Variants in ESYT3 observed in about 807,000 individuals in gnomAD.
ESYT3 encodes the protein extended synaptotagmin 3.
In ESYT3, 101 loss-of-function variants were observed where a neutral mutation model predicts 111.5. The ratio of observed to expected loss-of-function variants is 0.91; its 90% confidence interval spans 0.77 to 1.07. The LOEUF is 1.07. Ranked by LOEUF, ESYT3 falls within the 50% of genes least tolerant of loss-of-function variation. ESYT3 has a pLI of 0.00. For synonymous variants in ESYT3, 416 were observed against 446.8 expected, an observed-to-expected ratio of 0.93 and a Z score of 0.87; for missense variants, 1,097 against 1,109.4, an observed-to-expected ratio of 0.99 and a Z score of 0.16.
At chr3:138,467,504 C>G (rs1293739417) in intron 10 of ESYT3, 57 bp from the exon 11 acceptor site, 1 of 1,559,096 alleles carries the variant, frequency 6.4e-7, no homozygotes, top group Non-Finnish European at 8.8e-7. Context: ...GGCCTCCATG[C>G]CCTCTGCTGC....
At chr3:138,444,235 C>T (rs2031372617) in intron 1 of ESYT3, among the ~76,000 whole-genome samples, 1 of 152,194 alleles carries the variant, frequency 6.6e-6, no homozygotes, top group Non-Finnish European at 1.5e-5. Flanking sequence ...AGTACACTAA[C>T]AGCATCAAGA....
intron 16 of ESYT3, chr3:138,470,458 A>C: frequency 9.0e-7 from 1 of 1,107,018 alleles, no homozygotes; most frequent in Non-Finnish European, 1.1e-6. Context: ...TGTACTTTAA[A>C]AAATATATGT....
intron 1 of ESYT3, 124 bp from the exon 2 acceptor site, chr3:138,451,924 C>G (rs2031957049): frequency 3.7e-6 from 4 of 1,066,978 alleles, no homozygotes; most frequent in Non-Finnish European, 5.7e-6. Flanking sequence ...GACGTGGAGG[C>G]GGCGGGGAGG....
chr3:138,437,608 T>A (rs894570003), intron 1 of ESYT3, among the ~76,000 whole-genome samples: 9 of 152,130 alleles, frequency 5.9e-5, no homozygotes, highest in African/African-American at 2.2e-4. Flanking sequence ...GAGGCTGGCC[T>A]TGTTCTGAAG....
At chr3:138,459,741 A>G (rs545070858) in intron 5 of ESYT3, among the ~76,000 whole-genome samples, 3 of 152,324 alleles carry the variant, frequency 2.0e-5, no homozygotes, top group African/African-American at 4.8e-5. Context: ...GCCCCTTGGT[A>G]GCTGGCAAGA....
At position 138,455,285 on chromosome 3, in the gene ESYT3, A is replaced by C. The variant is rs114454261; in HGVS notation, c.461A>C (p.His154Pro). ...LEPKIREKSI[H>P]LRTFTFTKLY... The stretch of plus-strand genomic sequence containing the variant: ...CCCAAGATCCGAGAGAAGAGCATCC[A>C]CCTGAGGACCTTTACCTTTACCAAG... The change falls in exon 3 of 23, where the codon CAC becomes CCC. Residue 154 changes from histidine to proline, a missense_variant. His to Pro is a moderately conservative substitution (Grantham distance 77). Transcript: ENST00000389567. The C allele has an allele frequency of 1.1e-5, 17 of 1,614,108 alleles. No homozygotes were observed. The African/African-American group carries it at 2.0e-4, about 19-fold the overall frequency.
chr3:138,453,939 A>T (rs2032104979), intron 2 of ESYT3, among the ~76,000 whole-genome samples: 1 of 152,210 alleles, frequency 6.6e-6, no homozygotes. Flanking sequence ...CTCCTGCCTC[A>T]GCCTCCCAAG....
At position 138,460,033 on chromosome 3, in the gene ESYT3, C is replaced by T. The variant is rs17857138; in HGVS notation, c.737C>T (p.Pro246Leu). 67 of 1,613,910 alleles carry T rather than the reference C, an allele frequency of 4.2e-5. No homozygotes were observed. In the South Asian group the frequency reaches 4.5e-4, roughly 11 times the overall value. Reference protein sequence around the residue: ...GAVTVFFLQKPHLQINWTGLT... With the variant: ...GAVTVFFLQKLHLQINWTGLT... ...GTGACTGTGTTCTTCCTTCAGAAGC[C>T]GGTGAGTCCCAAGGACTGCGGTAAG... is the stretch of plus-strand genomic sequence containing the variant. Residue 246 changes from proline to leucine, a missense_variant and splice_region_variant, in exon 6 of 23, where the codon CCG becomes CTG. Physicochemically the swap from Pro to Leu is moderately conservative, Grantham distance 98. Coordinates refer to ENST00000389567, the MANE Select transcript of ESYT3 (RefSeq NM_031913.5).
chr3:138,468,611 CCTG>C (rs1354223890), intron 12 of ESYT3, 41 bp from the exon 13 acceptor site: 1 of 1,602,018 alleles, frequency 6.2e-7, no homozygotes, highest in Admixed American at 1.7e-5. Context: ...GTCTTTGTGT[CCTG>C]CTGCTGGGAG....
chr3:138,437,675 C>T (rs1017247840), intron 1 of ESYT3, among the ~76,000 whole-genome samples: 6 of 151,922 alleles, frequency 3.9e-5, no homozygotes, highest in South Asian at 2.1e-4. Flanking sequence ...CATGGTGGGA[C>T]GAGGAAGGCT....
chr3:138,464,178 T>G lies in ESYT3; in HGVS notation c.916-167T>G, dbSNP rs7618213. 3.2e-3 allele frequency among the ~76,000 whole-genome samples: 488 copies of G among 152,294 alleles called. 2 individuals carry two copies. Among genetic ancestry groups the G allele is most frequent in the African/African-American group, 0.012 (478 of 41,548 alleles). On this transcript the variant is annotated intron_variant, in intron 8 of 22. Transcript: ENST00000389567. ...GAGAGAGCCCTGCCATCACTTGCTG[T>G]GTGGCCTTGGCCAGGTCACTGCCGT...
Position 138,472,773 on chromosome 3 carries a change from GC to G in ESYT3, c.2154del (p.Lys719ArgfsTer56), listed in dbSNP as rs769228568. 12 of 1,614,028 alleles carry G rather than the reference GC, an allele frequency of 7.4e-6. No homozygotes were observed. The African/African-American group carries it at 1.5e-4, about 20-fold the overall frequency. The stretch of plus-strand genomic sequence containing the variant: ...GCCCTGCCTCCCCATTCGCATGGCC[GC>G]CCAAGAGGCTGGCTCCCAGCATGTC... Reference protein sequence around the residue: ...KCPASPFAWPPKRLAPSMSSL... With the variant: ...KCPASPFAWPXKRLAPSMSSL... On this transcript the variant is annotated frameshift_variant, in exon 18 of 23. Transcript: ENST00000389567. LOFTEE classifies it high-confidence loss of function.
intron 16 of ESYT3, 21 bp downstream of exon 16, chr3:138,470,167 T>C (rs1560241204): frequency 1.2e-6 from 2 of 1,608,214 alleles, no homozygotes; most frequent in South Asian, 1.1e-5. Context: ...AGAAGGGCTC[T>C]TGAAACAGAG....
rs2033142371 is a variant in ESYT3, at chr3:138,470,120, G to A, written c.1564G>A (p.Val522Met). The change falls in exon 16 of 23, where the codon GTG becomes ATG. Residue 522 changes from valine (V) to methionine (M), a missense_variant. Val to Met is a conservative substitution (Grantham distance 21). Transcript: ENST00000389567. Reference sequence around the variant, plus strand: ...GGTGTTCTCCTTCTTTGTGCACAATGTGGCCACTGAGCGGCTCCATCTGAA... The same window carrying A: ...GGTGTTCTCCTTCTTTGTGCACAATATGGCCACTGAGCGGCTCCATCTGAA... ...SQVFSFFVHN[V>M]ATERLHLKVL... The A allele has an allele frequency of 6.2e-7, 1 of 1,612,996 alleles. No individual in the cohort carries two copies. Among genetic ancestry groups the A allele is most frequent in the Non-Finnish European group, 8.5e-7 (1 of 1,179,270 alleles).
In ESYT3 at chr3:138,474,233, A is replaced by G. The variant is rs767256638; in HGVS notation, c.2349A>G (p.Pro783=). 2.5e-6 allele frequency: 4 copies of G among 1,611,850 alleles called. No homozygotes were observed. The highest frequency in any genetic ancestry group is 1.7e-5 in the Admixed American group (1 of 59,836). ...GACACCAAATCAGAAACCTAACACCATGTACCAGCAGTGGAGCTGATCCCT... is the reference window on the plus strand; with the variant it reads ...GACACCAAATCAGAAACCTAACACCGTGTACCAGCAGTGGAGCTGATCCCT... ...VLINGCRNLT[P]CTSSGADPYV... is the part of the protein sequence containing the mutation. The change falls in exon 20 of 23, where the codon CCA becomes CCG. Residue 783 remains proline, a synonymous_variant. Transcript: ENST00000389567.
rs72976634 is a variant in ESYT3, at chr3:138,472,537, G to C, written c.1915G>C (p.Asp639His). 6.6e-4 allele frequency: 1,068 copies of C among 1,614,208 alleles called. 7 individuals carry two copies. The African/African-American group carries it at 0.013, about 19-fold the overall frequency. Residue 639 changes from aspartate to histidine, a missense_variant, in exon 18 of 23, where the codon GAC (aspartate) becomes CAC (histidine). Asp to His is a moderately conservative substitution (Grantham distance 81, BLOSUM62 -1). Coordinates refer to ENST00000389567, the MANE Select transcript of ESYT3 (RefSeq NM_031913.5). ...CPPDPASDTK[D>H]VSRSTTTTTS... ...CCCAGACCCTGCTTCTGATACTAAG[G>C]ACGTATCCAGGAGTACCACAACCAC...
intron 19 of ESYT3, 38 bp downstream of exon 19, chr3:138,473,672 C>A: frequency 6.4e-7 from 1 of 1,556,214 alleles, no homozygotes; most frequent in Non-Finnish European, 8.9e-7. Context: ...CCTTTGGGAG[C>A]ATCAGGTGAC....
At chr3:138,464,550 C>CT (rs1303028578) in intron 9 of ESYT3, 35 bp downstream of exon 9, 1 of 1,610,602 alleles carries the variant, frequency 6.2e-7, no homozygotes, top group African/African-American at 1.3e-5. Context: ...AGCCTTCACT[C>CT]TGAGTCATGC....
intron 17 of ESYT3, among the ~76,000 whole-genome samples, chr3:138,471,381 C>T (rs2033213262): frequency 6.6e-6 from 1 of 152,178 alleles, no homozygotes; most frequent in African/African-American, 2.4e-5. Flanking sequence ...GCCACTAATT[C>T]TTTGGCTATG....
Sources: gnomAD v4.1 joint callset for allele counts (sites outside exome capture counted in the v4.1 genomes callset) on GRCh38, gnomAD v4.1.1 for gene constraint, MANE v1.5 for transcripts, NCBI Gene and HGNC (gene_info 2026-07-23, HGNC 2026-07-21) for gene names.